Variants in ADAMTS16 observed in about 807,000 individuals in gnomAD.
The protein encoded by ADAMTS16 is A disintegrin and metalloproteinase with thrombospondin motifs 16.
Under a neutral mutation model 145.8 loss-of-function variants are expected in ADAMTS16, and 94 were observed. The observed-to-expected ratio is 0.64, with a 90% confidence interval of 0.55 to 0.77. The LOEUF is 0.77. Ranked by LOEUF, ADAMTS16 falls within the 30% of genes least tolerant of loss-of-function variation. ADAMTS16 has a pLI of 0.00. For missense variants in ADAMTS16, 1,585 were observed against 1,591.5 expected, an observed-to-expected ratio of 1.00 and a Z score of 0.07; for synonymous variants, 659 against 604.3, an observed-to-expected ratio of 1.09 and a Z score of -1.33.
intron 18 of ADAMTS16, among the ~76,000 whole-genome samples, chr5:5,278,003 AAAGAG>A (rs1560983911): frequency 6.6e-6 from 1 of 152,006 alleles, no homozygotes; most frequent in African/African-American, 2.4e-5. Flanking sequence ...AAAAAAGACT[AAAGAG>A]AAGTAAAGAG....
intron 17 of ADAMTS16, among the ~76,000 whole-genome samples, chr5:5,260,458 C>T (rs989848694): frequency 6.6e-6 from 1 of 152,162 alleles, no homozygotes; most frequent in Non-Finnish European, 1.5e-5. Context: ...GAAATAATTG[C>T]AAAATTCACC....
intron 11 of ADAMTS16, among the ~76,000 whole-genome samples, chr5:5,231,286 A>T (rs1362401135): frequency 2.0e-5 from 3 of 152,206 alleles, no homozygotes; most frequent in African/African-American, 7.2e-5. Flanking sequence ...TTTTAAATGG[A>T]ATTGTTCTTA....
Position 5,310,279 on chromosome 5 carries a change from C to T in ADAMTS16, c.3411+3551C>T, listed in dbSNP as rs1438894940. Among the ~76,000 whole-genome samples, 9 of 152,150 alleles carry T rather than the reference C, an allele frequency of 5.9e-5. No homozygotes were observed. The highest frequency in any genetic ancestry group is 2.9e-5 in the Non-Finnish European group (2 of 68,016). On this transcript the variant is annotated intron_variant, in intron 21 of 22. Transcript: ENST00000274181. The surrounding 1 kb of genome is among the most constrained non-coding windows in gnomAD (Gnocchi z 4.3). ...CCCACCCACACTGCGCAGCCCATCTCTCATCCTTCCTAGCCCCCAATTCCC... is the reference window on the plus strand; with the variant it reads ...CCCACCCACACTGCGCAGCCCATCTTTCATCCTTCCTAGCCCCCAATTCCC...
chr5:5,203,406 C>G (rs1736010411), intron 9 of ADAMTS16, among the ~76,000 whole-genome samples: 2 of 152,176 alleles, frequency 1.3e-5, no homozygotes, highest in South Asian at 4.1e-4. Context: ...TTAGGTGGCT[C>G]TTTGGATATG....
intron 3 of ADAMTS16, among the ~76,000 whole-genome samples, chr5:5,174,792 T>C (rs1008597285): frequency 1.3e-5 from 2 of 152,244 alleles, no homozygotes; most frequent in African/African-American, 4.8e-5. Flanking sequence ...TTCTTGATTC[T>C]TTTTAATTAT....
In ADAMTS16 at chr5:5,320,302, G is replaced by A; in HGVS notation, c.*1164G>A. 5.1e-6 allele frequency: 1 copy of A among 197,948 alleles called. No individual in the cohort carries two copies. 12.3% of individuals were successfully genotyped at this position (197,948 alleles called of 1,614,324 possible). On this transcript the variant is annotated 3_prime_UTR_variant, in exon 23 of 23. Coordinates refer to ENST00000274181, the MANE Select transcript of ADAMTS16 (RefSeq NM_139056.4). This position sits in a 1 kb window ranked among gnomAD's most constrained non-coding sequence, Gnocchi z 5.1. ...TATAATAAAGTTTATATGGTACAGT[G>A]TGCTTCTGAACTACCTCATGATTCT...
At chr5:5,210,389 AT>A (rs1200438969) in intron 10 of ADAMTS16, among the ~76,000 whole-genome samples, 8 of 152,176 alleles carry the variant, frequency 5.3e-5, no homozygotes, top group African/African-American at 1.7e-4. Flanking sequence ...TGCAAGGTGC[AT>A]TTTTATTATT....
intron 17 of ADAMTS16, among the ~76,000 whole-genome samples, chr5:5,256,382 A>G (rs1394179846): frequency 6.6e-6 from 1 of 152,276 alleles, no homozygotes; most frequent in Non-Finnish European, 1.5e-5. Context: ...CTAAAGTCAC[A>G]GCTAAGACAT....
Position 5,317,686 on chromosome 5 carries a change from C to G in ADAMTS16, c.3412-448C>G, listed in dbSNP as rs1235060918. On this transcript the variant is annotated intron_variant, in intron 21 of 22. Coordinates refer to ENST00000274181, the MANE Select transcript of ADAMTS16 (RefSeq NM_139056.4). The surrounding 1 kb of genome is among the most constrained non-coding windows in gnomAD (Gnocchi z 4.5). The stretch of plus-strand genomic sequence containing the variant: ...GTGCTGGGATTACAGGCATGAGCCA[C>G]CGTGCCCGGCAGTATATTTACTTTT... 6.6e-6 allele frequency among the ~76,000 whole-genome samples: 1 copy of G among 152,196 alleles called. No homozygotes were observed. The highest frequency in any genetic ancestry group is 1.5e-5 in the Non-Finnish European group (1 of 68,038).
At chr5:5,197,048 T>G (rs1418012795) in intron 8 of ADAMTS16, among the ~76,000 whole-genome samples, 2 of 152,226 alleles carry the variant, frequency 1.3e-5, no homozygotes, top group African/African-American at 4.8e-5. Flanking sequence ...GATGCCTGCA[T>G]GAAGCCTGCG....
At chr5:5,260,229 G>A (rs945760581) in intron 17 of ADAMTS16, among the ~76,000 whole-genome samples, 1 of 149,118 alleles carries the variant, frequency 6.7e-6, no homozygotes, top group Admixed American at 6.7e-5. Context: ...TACATTTCCA[G>A]AGTTTAAATC....
intron 13 of ADAMTS16, among the ~76,000 whole-genome samples, chr5:5,236,616 T>G (rs926092955): frequency 0.043 from 13 of 302 alleles, no homozygotes; most frequent in Non-Finnish European, 0.14. Flanking sequence ...AAATGGCAGT[T>G]TTTTTTTTTG....
intron 3 of ADAMTS16, among the ~76,000 whole-genome samples, chr5:5,181,362 C>G (rs1348902864): frequency 6.6e-6 from 1 of 152,112 alleles, no homozygotes. Flanking sequence ...ATTTGTCACC[C>G]TAAAAGGTAA....
intron 7 of ADAMTS16, 43 bp downstream of exon 7, chr5:5,190,173 G>T (rs1560941360): frequency 1.3e-6 from 2 of 1,520,370 alleles, no homozygotes; most frequent in Non-Finnish European, 1.8e-6. Context: ...TGTGGAATGT[G>T]CACCCCTGGC....
chr5:5,239,968 T>C (rs1737237593), intron 16 of ADAMTS16, 43 bp downstream of exon 16: 3 of 1,603,642 alleles, frequency 1.9e-6, no homozygotes, highest in South Asian at 1.1e-5. Context: ...ATTTTGGGGG[T>C]GTTCTGGTGT....
intron 18 of ADAMTS16, among the ~76,000 whole-genome samples, chr5:5,299,018 T>C (rs1187908689): frequency 6.6e-6 from 1 of 152,028 alleles, no homozygotes; most frequent in Non-Finnish European, 1.5e-5. Context: ...TAATGTTGCG[T>C]CTCACGGCAT....
At chr5:5,231,886 G>T (rs139212915) in intron 11 of ADAMTS16, among the ~76,000 whole-genome samples, 3 of 152,260 alleles carry the variant, frequency 2.0e-5, no homozygotes, top group Non-Finnish European at 1.5e-5. Context: ...CCGAGCCCAG[G>T]TGCTTTGGGG....
In ADAMTS16 at chr5:5,207,329, T is replaced by C. The variant is rs571563952; in HGVS notation, c.1452-1764T>C. ...TAAATGACATGTTTCTAATTTTCAATAAATTCTGTTTGGTTGTCACTGGCA... is the reference window on the plus strand; with the variant it reads ...TAAATGACATGTTTCTAATTTTCAACAAATTCTGTTTGGTTGTCACTGGCA... On this transcript the variant is annotated intron_variant, in intron 9 of 22. Coordinates refer to ENST00000274181, the MANE Select transcript of ADAMTS16 (RefSeq NM_139056.4). Among the ~76,000 whole-genome samples, 237 of 152,338 alleles carry C rather than the reference T, an allele frequency of 1.6e-3. 1 individual carries two copies. Among genetic ancestry groups the C allele is most frequent in the African/African-American group, 5.4e-3 (226 of 41,584 alleles).
intron 3 of ADAMTS16, among the ~76,000 whole-genome samples, chr5:5,173,522 C>T (rs531436961): frequency 7.3e-5 from 11 of 151,578 alleles, no homozygotes; most frequent in Non-Finnish European, 1.2e-4. Flanking sequence ...CCCCCAGGCT[C>T]GAGTGCAGTG....
Sources: gnomAD v4.1 joint callset for allele counts (sites outside exome capture counted in the v4.1 genomes callset) on GRCh38, gnomAD v4.1.1 for gene constraint, Gnocchi (gnomAD v3.1) non-coding constraint, MANE v1.5 for transcripts, NCBI Gene and HGNC (gene_info 2026-07-23, HGNC 2026-07-21) for gene names.